SLC6A18: variants seen among roughly 807,000 people sequenced by gnomAD.
The protein encoded by SLC6A18 is inactive sodium-dependent neutral amino acid transporter B(0)AT3.
SLC6A18 carries 58 observed loss-of-function variants against 62.9 expected under a neutral mutation model. That is an observed-to-expected ratio of 0.92 (90% CI 0.75 to 1.15). The LOEUF (loss-of-function observed/expected upper bound fraction) is 1.15. Among genes scored for constraint, SLC6A18 ranks in the 50% most tolerant of loss-of-function variants. The pLI, the probability that SLC6A18 is intolerant of heterozygous loss-of-function variation, is 0.00. For synonymous variants in SLC6A18, 382 were observed against 365.8 expected (o/e 1.04, Z -0.51); for missense variants, 793 against 836.6 (o/e 0.95, Z 0.64).
In SLC6A18 at chr5:1,244,621, A is replaced by G. The variant is rs1299071713; in HGVS notation, c.1510A>G (p.Ile504Val). The G allele has an allele frequency of 1.2e-6, 2 of 1,601,610 alleles. No homozygotes were observed. The highest frequency in any genetic ancestry group is 8.5e-7 in the Non-Finnish European group (1 of 1,171,136). Residue 504 changes from isoleucine (I) to valine (V), a missense_variant, in exon 11 of 12, where the codon ATT becomes GTT. Physicochemically the swap from Ile to Val is conservative, Grantham distance 29. Coordinates refer to ENST00000324642, the MANE Select transcript of SLC6A18 (RefSeq NM_182632.3). The stretch of plus-strand genomic sequence containing the variant: ...CATCTGGTGCAGGTTCTGCGATGAC[A>G]TTGCGTGGATGACCGGGAGGCGGCC... ...VYGMKRFCDD[I>V]AWMTGRRPSP... is the part of the protein sequence containing the mutation.
At chr5:1,236,358 C>T (rs114688607) in intron 4 of SLC6A18, among the ~76,000 whole-genome samples, 2,183 of 152,262 alleles carry the variant, frequency 0.014, 48 homozygotes, top group African/African-American at 0.049. Flanking sequence ...CCAGGCTTTG[C>T]GCTATTGTTG....
chr5:1,236,584 G>T (rs762985681), intron 4 of SLC6A18, among the ~76,000 whole-genome samples: 6 of 152,176 alleles, frequency 3.9e-5, no homozygotes, highest in East Asian at 1.9e-4. Context: ...TTCTTACCCT[G>T]TATTCTCTAG....
At chr5:1,228,485 G>A (rs946978020) in intron 1 of SLC6A18, among the ~76,000 whole-genome samples, 1 of 152,206 alleles carries the variant, frequency 6.6e-6, no homozygotes, top group African/African-American at 2.4e-5. Flanking sequence ...TTGCTCAGTG[G>A]CTGCACTGCG....
intron 1 of SLC6A18, among the ~76,000 whole-genome samples, chr5:1,226,244 C>A (rs566941346): frequency 6.6e-6 from 1 of 152,206 alleles, no homozygotes; most frequent in African/African-American, 2.4e-5. Context: ...TAGGCTCCCA[C>A]GCACCTCGAG....
At chr5:1,235,416 C>G (rs1746856403) in intron 3 of SLC6A18, 65 bp from the exon 4 acceptor site, 2 of 1,536,490 alleles carry the variant, frequency 1.3e-6, no homozygotes, top group South Asian at 2.4e-5. Flanking sequence ...AAATTGAGCT[C>G]AAGAGCCACA....
At position 1,242,828 on chromosome 5, in the gene SLC6A18, C is replaced by T. The variant is rs772503347; in HGVS notation, c.1096C>T (p.Leu366=). 8.7e-6 allele frequency: 14 copies of T among 1,613,184 alleles called. No individual in the cohort carries two copies. The highest frequency in any genetic ancestry group is 3.3e-5 in the Admixed American group (2 of 59,896). The change falls in exon 8 of 12, where the codon CTG becomes TTG. Residue 366 remains leucine, a synonymous_variant. Transcript: ENST00000324642. ...TWPKRVAQLP[L]KACLLEDFLD... ...GCCCAAGAGGGTGGCCCAGCTCCCCCTGAAGGCCTGCCTCCTGGAAGACTT... is the reference window on the plus strand; with the variant it reads ...GCCCAAGAGGGTGGCCCAGCTCCCCTTGAAGGCCTGCCTCCTGGAAGACTT...
chr5:1,239,917 TC>T (rs1747009079), intron 6 of SLC6A18, among the ~76,000 whole-genome samples: 1 of 152,208 alleles, frequency 6.6e-6, no homozygotes, highest in African/African-American at 2.4e-5. Flanking sequence ...TATGCACAGA[TC>T]CCTACAAAGT....
rs773666405 is a variant in SLC6A18, at chr5:1,244,289, T to TG, written c.1412_1413insG (p.Phe471LeufsTer33). On this transcript the variant is annotated frameshift_variant, in exon 10 of 12. Coordinates refer to ENST00000324642, the MANE Select transcript of SLC6A18 (RefSeq NM_182632.3). LOFTEE classifies it high-confidence loss of function. ...TCTGGGAACTACTGGCTGGAGATTT[T>TG]CGACAATTTTGCCGCTTCCCCGAAC... The TG allele has an allele frequency of 1.1e-4, 172 of 1,613,976 alleles. 1 individual carries two copies. The highest frequency in any genetic ancestry group is 1.4e-4 in the Non-Finnish European group (164 of 1,180,018).
At chr5:1,231,463 C>A (rs1171343314) in intron 1 of SLC6A18, among the ~76,000 whole-genome samples, 2 of 152,198 alleles carry the variant, frequency 1.3e-5, no homozygotes, top group African/African-American at 4.8e-5. Flanking sequence ...CCTGCGACAT[C>A]CCCATGAGCA....
chr5:1,235,434 G>T (rs1746856707), intron 3 of SLC6A18, 47 bp from the exon 4 acceptor site: 1 of 1,588,682 alleles, frequency 6.3e-7, no homozygotes, highest in Non-Finnish European at 8.6e-7. Flanking sequence ...ACATGGTGAG[G>T]GTGCCTACGC....
rs916644735 is a variant in SLC6A18, at chr5:1,238,154, G to A, written c.732+94G>A. On this transcript the variant is annotated intron_variant, in intron 5 of 11. Coordinates refer to ENST00000324642, the MANE Select transcript of SLC6A18 (RefSeq NM_182632.3). ...CCTCCCTCACCTGGGAGCGTGAGAG[G>A]CCAGGAGCCACTCCAGCAGCTGGGC... The A allele has an allele frequency of 5.7e-5, 56 of 987,414 alleles. No individual in the cohort carries two copies. The African/African-American group carries it at 7.4e-4, about 13-fold the overall frequency. 61.2% of individuals were successfully genotyped at this position (987,414 alleles called of 1,614,324 possible).
intron 2 of SLC6A18, 32 bp downstream of exon 2, chr5:1,232,391 G>A (rs1441234162): frequency 1.9e-6 from 3 of 1,592,566 alleles, no homozygotes; most frequent in Non-Finnish European, 2.6e-6. Context: ...CCCTGACTGA[G>A]GCTGCCAGGG....
rs868568266 is a variant in SLC6A18, at chr5:1,241,999, T to C, written c.975-708T>C. On this transcript the variant is annotated intron_variant, in intron 7 of 11. Transcript: ENST00000324642. The surrounding 1 kb of genome is among the most constrained non-coding windows in gnomAD (Gnocchi z 7.8). ...CCAAAAAGGTGTTTGCTGGTATCCA[T>C]GTGTCCCGCCCTTGGCTGTCTGTGC... Among the ~76,000 whole-genome samples, 10 of 149,136 alleles carry C rather than the reference T, an allele frequency of 6.7e-5. No individual in the cohort carries two copies. The highest frequency in any genetic ancestry group is 1.3e-4 in the Admixed American group (2 of 14,962).
rs1425285493 is a variant in SLC6A18, at chr5:1,225,639, T to A, written c.160+2T>A. 2 of 1,567,958 alleles carry A rather than the reference T, an allele frequency of 1.3e-6. No individual in the cohort carries two copies. The highest frequency in any genetic ancestry group is 1.7e-4 in the Middle Eastern group (1 of 5,838). On this transcript the variant is annotated splice_donor_variant, in intron 1 of 11. Transcript: ENST00000324642. LOFTEE classifies it high-confidence loss of function. ...ACCTGTGCCAGACCTATGGAGGAGG[T>A]AAGCACCCACCTGCGTCCTGGGGCA...
intron 4 of SLC6A18, among the ~76,000 whole-genome samples, chr5:1,237,472 A>C (rs1746913896): frequency 6.6e-6 from 1 of 151,816 alleles, no homozygotes; most frequent in Admixed American, 6.6e-5. Context: ...GAGGAAGAAG[A>C]CTCTGGCCAC....
chr5:1,232,436 C>G (rs944109591), intron 2 of SLC6A18, 77 bp downstream of exon 2: 11 of 1,523,278 alleles, frequency 7.2e-6, no homozygotes, highest in African/African-American at 2.7e-5. Flanking sequence ...GGGGCGGGGG[C>G]GGGTCCATGC....
At position 1,241,800 on chromosome 5, in the gene SLC6A18, G is replaced by A. The variant is rs765319270; in HGVS notation, c.975-907G>A. Among the ~76,000 whole-genome samples the A allele has an allele frequency of 2.4e-4, 36 of 152,210 alleles. No individual in the cohort carries two copies. The highest frequency in any genetic ancestry group is 4.7e-4 in the Non-Finnish European group (32 of 68,046). On this transcript the variant is annotated intron_variant, in intron 7 of 11. Coordinates refer to ENST00000324642, the MANE Select transcript of SLC6A18 (RefSeq NM_182632.3). This position sits in a 1 kb window ranked among gnomAD's most constrained non-coding sequence, Gnocchi z 7.8. ...GAATGTCGCAAGTAACTGTAAAAGT[G>A]CGCAAATATTGACGGGGTTACAAGC...
At chr5:1,244,439 G>A (rs1402654493) in intron 10 of SLC6A18, 66 bp downstream of exon 10, 17 of 1,597,310 alleles carry the variant, frequency 1.1e-5, no homozygotes, top group Non-Finnish European at 1.4e-5. Context: ...ATGGCTGCCG[G>A]GCACAGGTTC....
chr5:1,230,980 G>T (rs1166942618), intron 1 of SLC6A18, among the ~76,000 whole-genome samples: 1 of 152,206 alleles, frequency 6.6e-6, no homozygotes, highest in Admixed American at 6.5e-5. Flanking sequence ...GCAGCATGCA[G>T]ACACAGGGGC....
Sources: gnomAD v4.1 joint callset for allele counts (sites outside exome capture counted in the v4.1 genomes callset) on GRCh38, gnomAD v4.1.1 for gene constraint, Gnocchi (gnomAD v3.1) non-coding constraint, MANE v1.5 for transcripts, NCBI Gene and HGNC (gene_info 2026-07-23, HGNC 2026-07-21) for gene names.